Variants in RCAN2 observed in about 807,000 individuals in gnomAD.
RCAN2 encodes the protein calcipressin-2.
A neutral mutation model predicts 23.6 loss-of-function variants in RCAN2; 9 were observed. The ratio of observed to expected loss-of-function variants is 0.38; its 90% CI spans 0.23 to 0.67. The LOEUF is 0.67. RCAN2 is among the 30% of genes least tolerant of loss of function. The pLI is 0.51. For missense variants in RCAN2, 273 were observed against 302.3 expected (o/e 0.90, Z 0.72); for synonymous variants, 109 against 115.7 (o/e 0.94, Z 0.37).
intron 2 of RCAN2, among the ~76,000 whole-genome samples, chr6:46,373,019 G>A (rs1373921261): frequency 1.3e-5 from 2 of 152,178 alleles, no homozygotes; most frequent in African/African-American, 2.4e-5. Flanking sequence ...CTTACTGTTA[G>A]ACCAGTATTT....
chr6:46,285,519 A>G (rs1261439335), intron 2 of RCAN2, among the ~76,000 whole-genome samples: 1 of 152,198 alleles, frequency 6.6e-6, no homozygotes, highest in Non-Finnish European at 1.5e-5. Context: ...GATGCAGGTG[A>G]TACATGGGTC....
At chr6:46,227,602 T>TTTGTATTTCTGTGGGAATGGTTGTGA (rs140107912) in intron 4 of RCAN2, among the ~76,000 whole-genome samples, 18,112 of 151,856 alleles carry the variant, frequency 0.12, 1,432 homozygotes, top group East Asian at 0.34. Flanking sequence ...CTGATGGTAG[T>TTTGTATTTCTGTGGGAATGGTTGTGA]TTGTATTTCT....
chr6:46,243,808 T>TC (rs1766402872), intron 4 of RCAN2, among the ~76,000 whole-genome samples: 1 of 7,520 alleles, frequency 1.3e-4, no homozygotes, highest in Admixed American at 8.4e-4. Context: ...AGATTCTGTC[T>TC]CAAAAAAAAA....
intron 4 of RCAN2, among the ~76,000 whole-genome samples, chr6:46,234,741 G>A (rs976185891): frequency 6.6e-5 from 10 of 152,346 alleles, no homozygotes; most frequent in African/African-American, 2.2e-4. Context: ...CATGGTTAAC[G>A]TTAAATTCTC....
intron 2 of RCAN2, among the ~76,000 whole-genome samples, chr6:46,329,356 C>T (rs553522854): frequency 2.4e-4 from 37 of 152,292 alleles, no homozygotes; most frequent in African/African-American, 8.4e-4. Context: ...CTTCACAGCA[C>T]TTTTCACTAC....
At chr6:46,485,239 G>A (rs1436021567) in intron 1 of RCAN2, among the ~76,000 whole-genome samples, 5 of 152,174 alleles carry the variant, frequency 3.3e-5, no homozygotes, top group Admixed American at 1.3e-4. Context: ...AAAATTATGC[G>A]TGGAAATGCT....
At chr6:46,347,997 G>A (rs1343158843) in intron 2 of RCAN2, among the ~76,000 whole-genome samples, 1 of 152,158 alleles carries the variant, frequency 6.6e-6, no homozygotes, top group Non-Finnish European at 1.5e-5. Flanking sequence ...AGTCTGGGGA[G>A]GACAGCGTGG....
chr6:46,258,014 A>G (rs1766976976), intron 2 of RCAN2, among the ~76,000 whole-genome samples: 1 of 152,190 alleles, frequency 6.6e-6, no homozygotes, highest in Non-Finnish European at 1.5e-5. Flanking sequence ...AAATGATGCT[A>G]TACGCTTTAT....
At chr6:46,491,009 C>A (rs1473458275) in intron 1 of RCAN2, among the ~76,000 whole-genome samples, 164 bp downstream of exon 1, 1 of 119,856 alleles carries the variant, frequency 8.3e-6, no homozygotes, top group Admixed American at 7.9e-5. Flanking sequence ...CTGCCCCCAC[C>A]CCCGCCACCG....
At position 46,436,854 on chromosome 6, in the gene RCAN2, T is replaced by C. The variant is rs548871825; in HGVS notation, c.225+19898A>G. Among the ~76,000 whole-genome samples the C allele has an allele frequency of 7.0e-4, 106 of 152,256 alleles. No homozygotes were observed. In the South Asian group the frequency reaches 0.021, roughly 30 times the overall value. On this transcript the variant is annotated intron_variant, in intron 2 of 4. Transcript: ENST00000371374. ...CTAATTAGAGACAGAATGACCCTTG[T>C]GGGGATGAGGCTTGAGTTCTTAGAT... is the stretch of plus-strand genomic sequence containing the variant.
intron 1 of RCAN2, among the ~76,000 whole-genome samples, chr6:46,458,220 A>G (rs972924141): frequency 1.9e-4 from 29 of 152,240 alleles, no homozygotes; most frequent in Non-Finnish European, 3.5e-4. Flanking sequence ...CATGAAGTTT[A>G]GCTAGATACA....
At chr6:46,469,968 C>T (rs532860753) in intron 1 of RCAN2, among the ~76,000 whole-genome samples, 258 of 152,284 alleles carry the variant, frequency 1.7e-3, no homozygotes, top group South Asian at 2.7e-3. Flanking sequence ...CCTCACCAGA[C>T]GACCGAACCT....
At chr6:46,240,535 T>TGTGG (rs1303409077) in intron 4 of RCAN2, among the ~76,000 whole-genome samples, 1 of 152,138 alleles carries the variant, frequency 6.6e-6, no homozygotes, top group East Asian at 1.9e-4. Context: ...GAGTCCCTTA[T>TGTGG]GTGGGGTATG....
At chr6:46,242,530 A>C (rs1766343634) in intron 4 of RCAN2, among the ~76,000 whole-genome samples, 1 of 152,250 alleles carries the variant, frequency 6.6e-6, no homozygotes, top group East Asian at 1.9e-4. Flanking sequence ...CTACCAATTA[A>C]ACACTGTTCA....
intron 2 of RCAN2, among the ~76,000 whole-genome samples, chr6:46,277,181 C>T (rs184543094): frequency 3.9e-5 from 6 of 152,302 alleles, no homozygotes; most frequent in South Asian, 2.1e-4. Flanking sequence ...ATTTGTGGAA[C>T]GTGTTGGTTT....
At chr6:46,259,581 T>C (rs1234152997) in intron 2 of RCAN2, among the ~76,000 whole-genome samples, 3 of 152,232 alleles carry the variant, frequency 2.0e-5, no homozygotes, top group Non-Finnish European at 4.4e-5. Flanking sequence ...GGAGTTTTTC[T>C]CACAGCAAGC....
chr6:46,248,137 C>A (rs1353384917), intron 3 of RCAN2, among the ~76,000 whole-genome samples: 3 of 152,120 alleles, frequency 2.0e-5, no homozygotes, highest in Non-Finnish European at 4.4e-5. Context: ...ATATTGATTT[C>A]TATTGCTGTG....
chr6:46,275,482 T>G (rs114486148), intron 2 of RCAN2, among the ~76,000 whole-genome samples: 1,930 of 152,306 alleles, frequency 0.013, 40 homozygotes, highest in African/African-American at 0.041. Flanking sequence ...CACCATCTTC[T>G]CTCAAATAGA....
chr6:46,354,644 T>C (rs1764767648), intron 2 of RCAN2, among the ~76,000 whole-genome samples: 1 of 152,230 alleles, frequency 6.6e-6, no homozygotes. Context: ...AATCAGTCTC[T>C]TTTAAAGCTC....
Sources: allele counts gnomAD v4.1 joint callset (sites outside exome capture counted in the v4.1 genomes callset), GRCh38; gene constraint gnomAD v4.1.1; transcripts MANE v1.5; gene names NCBI Gene and HGNC (gene_info 2026-07-23, HGNC 2026-07-21).